CTNND2: variants seen among roughly 807,000 people sequenced by gnomAD.
CTNND2 encodes the protein catenin delta 2, also known as catenin delta-2.
CTNND2 carries 22 observed loss-of-function variants against 144.4 expected under a neutral mutation model. The observed-to-expected ratio is 0.15, with a 90% confidence interval of 0.11 to 0.22. CTNND2 has a LOEUF of 0.22. CTNND2 is among the 10% of genes least tolerant of loss of function. The pLI, the probability that CTNND2 is intolerant of heterozygous loss-of-function variation, is 1.00. For synonymous variants in CTNND2, 751 were observed against 695.6 expected, an observed-to-expected ratio of 1.08 and a Z score of -1.25; for missense variants, 1,353 against 1,618.8, an observed-to-expected ratio of 0.84 and a Z score of 2.82.
chr5:11,736,976 CAATG>C (rs1443599118), intron 1 of CTNND2, among the ~76,000 whole-genome samples: 1 of 152,152 alleles, frequency 6.6e-6, no homozygotes, highest in East Asian at 1.9e-4. Context: ...AGTTTAATTA[CAATG>C]AATACTCAGT....
chr5:11,663,091 A>G (rs543254757), intron 2 of CTNND2, among the ~76,000 whole-genome samples: 1 of 152,318 alleles, frequency 6.6e-6, no homozygotes, highest in South Asian at 2.1e-4. Flanking sequence ...GCCTCTAGTC[A>G]GGGTCTAAGG....
At chr5:11,752,652 G>C (rs1197683237) in intron 1 of CTNND2, among the ~76,000 whole-genome samples, 1 of 151,490 alleles carries the variant, frequency 6.6e-6, no homozygotes, top group East Asian at 1.9e-4. Context: ...TTTTGCTTAG[G>C]ATTTCTTGGG....
At chr5:11,079,872 T>C (rs1274074464) in intron 16 of CTNND2, among the ~76,000 whole-genome samples, 2 of 152,100 alleles carry the variant, frequency 1.3e-5, no homozygotes, top group African/African-American at 4.8e-5. Context: ...CTATAAAAAT[T>C]CTAGGAGAAA....
intron 2 of CTNND2, among the ~76,000 whole-genome samples, chr5:11,660,233 G>C (rs1783120414): frequency 1.3e-5 from 2 of 152,100 alleles, no homozygotes; most frequent in African/African-American, 2.4e-5. Flanking sequence ...AAAAAGGATG[G>C]GGGAAGGAGA....
Position 11,298,048 on chromosome 5 carries a change from T to A in CTNND2, c.1628+48324A>T, listed in dbSNP as rs555841899. On this transcript the variant is annotated intron_variant, in intron 9 of 21. Coordinates refer to ENST00000304623, the MANE Select transcript of CTNND2 (RefSeq NM_001332.4). ...TAATGACATCACATTTCAAAGTTAGTAAATTGTACATAAGGAACCATGCCA... is the reference window on the plus strand; with the variant it reads ...TAATGACATCACATTTCAAAGTTAGAAAATTGTACATAAGGAACCATGCCA... Among the ~76,000 whole-genome samples the A allele has an allele frequency of 6.6e-5, 10 of 152,322 alleles. No homozygotes were observed. The South Asian group carries it at 1.9e-3, about 28-fold the overall frequency.
At chr5:11,519,217 T>G (rs991717746) in intron 3 of CTNND2, among the ~76,000 whole-genome samples, 1 of 152,220 alleles carries the variant, frequency 6.6e-6, no homozygotes, top group Non-Finnish European at 1.5e-5. Context: ...TCATTCTTAA[T>G]AGCAACAATT....
intron 2 of CTNND2, among the ~76,000 whole-genome samples, chr5:11,711,842 A>G (rs1246750898): frequency 6.6e-6 from 1 of 152,176 alleles, no homozygotes; most frequent in Non-Finnish European, 1.5e-5. Flanking sequence ...CAGTTTCCTC[A>G]TCTTTCAGAT....
chr5:11,410,916 G>A (rs967527037), intron 5 of CTNND2, among the ~76,000 whole-genome samples: 3 of 151,368 alleles, frequency 2.0e-5, no homozygotes, highest in African/African-American at 7.3e-5. Context: ...CTGTTGCCCA[G>A]GATGGAGTAC....
At chr5:11,108,376 T>C (rs1752628342) in intron 14 of CTNND2, among the ~76,000 whole-genome samples, 1 of 152,224 alleles carries the variant, frequency 6.6e-6, no homozygotes, top group Admixed American at 6.5e-5. Context: ...CTACTGCTTT[T>C]ATGCATAAAA....
chr5:11,502,687 G>A (rs114873563), intron 3 of CTNND2, among the ~76,000 whole-genome samples: 1,853 of 152,210 alleles, frequency 0.012, 21 homozygotes, highest in Non-Finnish European at 0.019. Context: ...TGGTACCCCA[G>A]ACTATCATCC....
In CTNND2 at chr5:11,031,369, T is replaced by C. The variant is rs544399153; in HGVS notation, c.2789-8390A>G. ...CTGCAAGTAAGCTGCTCTAGGAACA[T>C]GTGCACAGCTGCCTGCTACAGGGCT... On this transcript the variant is annotated intron_variant, in intron 16 of 21. Transcript: ENST00000304623. Among the ~76,000 whole-genome samples, 52 of 152,080 alleles carry C rather than the reference T, an allele frequency of 3.4e-4. No individual in the cohort carries two copies. The South Asian group carries it at 3.9e-3, about 12-fold the overall frequency.
At chr5:11,607,617 T>C (rs534319149) in intron 2 of CTNND2, among the ~76,000 whole-genome samples, 45 of 152,160 alleles carry the variant, frequency 3.0e-4, no homozygotes, top group Non-Finnish European at 6.2e-4. Flanking sequence ...ATATTAATCC[T>C]CCATTCAAAA....
intron 3 of CTNND2, among the ~76,000 whole-genome samples, chr5:11,487,861 A>C (rs1376078285): frequency 2.0e-5 from 3 of 152,146 alleles, no homozygotes; most frequent in Admixed American, 6.5e-5. Context: ...ACGAGCAAAG[A>C]CTACGGATCA....
chr5:11,890,416 A>G (rs1736867501), intron 1 of CTNND2, among the ~76,000 whole-genome samples: 1 of 152,002 alleles, frequency 6.6e-6, no homozygotes, highest in Admixed American at 6.6e-5. Flanking sequence ...ACTATATTAC[A>G]CCTGTACATG....
Position 11,159,650 on chromosome 5 carries a change from A to T in CTNND2, c.2085T>A (p.Asn695Lys). The stretch of plus-strand genomic sequence containing the variant: ...TTTTCCGATCATCCTGAAGAGGCGA[A>T]TTTTCCCAGCCTGAGTGGGGGATAA... ...AVIIPHSGWE[N>K]SPLQDDRKIQ... The change falls in exon 12 of 22, where the codon AAT becomes AAA. Residue 695 changes from asparagine (N) to lysine (K), a missense_variant. Physicochemically the swap from Asn to Lys is moderately conservative, Grantham distance 94. Transcript: ENST00000304623. The T allele has an allele frequency of 6.2e-7, 1 of 1,613,568 alleles. No homozygotes were observed. The highest frequency in any genetic ancestry group is 8.5e-7 in the Non-Finnish European group (1 of 1,179,822).
At chr5:11,168,737 G>T (rs61751829) in intron 11 of CTNND2, among the ~76,000 whole-genome samples, 6 of 152,026 alleles carry the variant, frequency 3.9e-5, no homozygotes, top group African/African-American at 1.2e-4. Flanking sequence ...TTTCTTGGTA[G>T]TTTTGTGCCC....
chr5:11,530,023 G>C (rs1358228954), intron 3 of CTNND2, among the ~76,000 whole-genome samples: 1 of 150,244 alleles, frequency 6.7e-6, no homozygotes, highest in African/African-American at 2.5e-5. Flanking sequence ...ATTGTACCTT[G>C]CAGTAAGCTT....
At chr5:11,623,320 G>C (rs1263186809) in intron 2 of CTNND2, among the ~76,000 whole-genome samples, 2 of 151,984 alleles carry the variant, frequency 1.3e-5, no homozygotes, top group Non-Finnish European at 2.9e-5. Flanking sequence ...GGAGATAATT[G>C]AACTATGGGA....
Position 11,744,149 on chromosome 5 carries a change from A to G in CTNND2, c.38-11877T>C, listed in dbSNP as rs548452734. On this transcript the variant is annotated intron_variant, in intron 1 of 21. Coordinates refer to ENST00000304623, the MANE Select transcript of CTNND2 (RefSeq NM_001332.4). ...CGAATGTCTCACCGTCTGTTTCTAA[A>G]GCATGATCTCAGCCAATTTTATCTA... Among the ~76,000 whole-genome samples, 5 of 152,330 alleles carry G rather than the reference A, an allele frequency of 3.3e-5. No individual in the cohort carries two copies. The South Asian group carries it at 1.0e-3, about 32-fold the overall frequency.
Sources: gnomAD v4.1 joint callset for allele counts (sites outside exome capture counted in the v4.1 genomes callset) on GRCh38, gnomAD v4.1.1 for gene constraint, MANE v1.5 for transcripts, NCBI Gene and HGNC (gene_info 2026-07-23, HGNC 2026-07-21) for gene names.